Variants in MYO1E observed in about 807,000 individuals in gnomAD.
The protein encoded by MYO1E is myosin IE.
A neutral mutation model predicts 151.1 loss-of-function variants in MYO1E; 68 were observed. That is an observed-to-expected ratio of 0.45 (90% CI 0.37 to 0.55). The LOEUF is 0.55. Ranked by LOEUF, MYO1E falls within the 20% of genes least tolerant of loss-of-function variation. The pLI, the probability that MYO1E is intolerant of heterozygous loss-of-function variation, is 0.00. For synonymous variants in MYO1E, 601 were observed against 501.7 expected (o/e 1.20, Z -2.64); for missense variants, 1,363 against 1,389.3 (o/e 0.98, Z 0.30).
intron 15 of MYO1E, among the ~76,000 whole-genome samples, chr15:59,202,834 C>G (rs748222797): frequency 6.6e-6 from 1 of 152,110 alleles, no homozygotes; most frequent in Non-Finnish European, 1.5e-5. Flanking sequence ...CTCGACCTCC[C>G]AGACTCAAGC....
At chr15:59,248,705 T>A (rs1025324206) in intron 4 of MYO1E, among the ~76,000 whole-genome samples, 12 of 152,026 alleles carry the variant, frequency 7.9e-5, no homozygotes, top group African/African-American at 2.9e-4. Flanking sequence ...GACAGGAAAG[T>A]AAACAGCAGA....
intron 4 of MYO1E, among the ~76,000 whole-genome samples, chr15:59,241,912 C>T (rs2080101972): frequency 7.0e-6 from 1 of 143,694 alleles, no homozygotes; most frequent in Non-Finnish European, 1.5e-5. Context: ...AAGTGAGATC[C>T]TGTCTCTAAA....
intron 1 of MYO1E, among the ~76,000 whole-genome samples, chr15:59,346,664 C>T (rs1488247337): frequency 2.0e-5 from 3 of 152,114 alleles, no homozygotes. Context: ...TGGTGTCTCA[C>T]GACTGTAATC....
intron 19 of MYO1E, among the ~76,000 whole-genome samples, chr15:59,174,821 C>T (rs978316796): frequency 7.9e-5 from 12 of 152,046 alleles, no homozygotes; most frequent in Non-Finnish European, 1.5e-4. Flanking sequence ...ACCACAGTGA[C>T]TGGAGCTGGA....
intron 3 of MYO1E, among the ~76,000 whole-genome samples, chr15:59,260,854 T>G (rs1015116926): frequency 8.5e-5 from 13 of 152,158 alleles, no homozygotes; most frequent in African/African-American, 1.2e-4. Flanking sequence ...AGGTCCTACA[T>G]CCTATTTAAC....
At chr15:59,370,266 T>C (rs1411513806) in intron 1 of MYO1E, among the ~76,000 whole-genome samples, 1 of 152,276 alleles carries the variant, frequency 6.6e-6, no homozygotes, top group African/African-American at 2.4e-5. Context: ...ATCATTTGGC[T>C]TGACAGAGTC....
At chr15:59,285,651 A>G (rs1022710212) in intron 1 of MYO1E, among the ~76,000 whole-genome samples, 1 of 152,010 alleles carries the variant, frequency 6.6e-6, no homozygotes, top group Non-Finnish European at 1.5e-5. Context: ...GCCCGACTAG[A>G]CACTGTCTTT....
intron 1 of MYO1E, among the ~76,000 whole-genome samples, chr15:59,337,158 G>A (rs2080734263): frequency 6.6e-6 from 1 of 152,112 alleles, no homozygotes; most frequent in Non-Finnish European, 1.5e-5. Context: ...TTATTATTAT[G>A]AATATTTCCG....
chr15:59,205,043 G>C (rs2079824454), intron 15 of MYO1E, among the ~76,000 whole-genome samples: 1 of 152,170 alleles, frequency 6.6e-6, no homozygotes, highest in Admixed American at 6.6e-5. Flanking sequence ...CTGATATAGA[G>C]AAAAGAAAGC....
chr15:59,149,060 T>TCG (rs2079460196), intron 26 of MYO1E, among the ~76,000 whole-genome samples: 1 of 140,504 alleles, frequency 7.1e-6, no homozygotes, highest in Admixed American at 7.0e-5. Flanking sequence ...TTGTTTTTTT[T>TCG]TTTTTTTTTT....
chr15:59,319,084 G>A (rs767527672), intron 1 of MYO1E, among the ~76,000 whole-genome samples: 2 of 152,194 alleles, frequency 1.3e-5, no homozygotes, highest in Non-Finnish European at 2.9e-5. Flanking sequence ...GTCAAGGCAG[G>A]TGGATCACTT....
At chr15:59,172,882 C>T (rs1396835691) in intron 21 of MYO1E, among the ~76,000 whole-genome samples, 6 of 152,220 alleles carry the variant, frequency 3.9e-5, no homozygotes, top group African/African-American at 4.8e-5. Flanking sequence ...CCAGGGCTGC[C>T]GTCACAGCAG....
At chr15:59,186,604 A>T (rs2079699730) in intron 18 of MYO1E, among the ~76,000 whole-genome samples, 1 of 152,130 alleles carries the variant, frequency 6.6e-6, no homozygotes, top group Non-Finnish European at 1.5e-5. Context: ...GTAAAAAGTC[A>T]TCTGGGCATG....
chr15:59,344,242 G>C (rs1415734031), intron 1 of MYO1E, among the ~76,000 whole-genome samples: 5 of 152,244 alleles, frequency 3.3e-5, no homozygotes, highest in African/African-American at 9.6e-5. Flanking sequence ...GGTACCCCAA[G>C]CCCAGTAACA....
chr15:59,252,714 C>CAA (rs35229671), intron 4 of MYO1E, among the ~76,000 whole-genome samples: 59 of 117,240 alleles, frequency 5.0e-4, no homozygotes, highest in African/African-American at 8.7e-4. Context: ...GACTCTGTCT[C>CAA]AAAAAAAAAA....
chr15:59,219,979 C>A (rs1321780919), intron 9 of MYO1E, among the ~76,000 whole-genome samples: 1 of 152,200 alleles, frequency 6.6e-6, no homozygotes, highest in African/African-American at 2.4e-5. Context: ...AGAGTAAGGA[C>A]AGATGACATT....
At position 59,136,763 on chromosome 15, in the gene MYO1E, C is replaced by A. The variant is rs1170593321; in HGVS notation, c.*617G>T. On this transcript the variant is annotated 3_prime_UTR_variant, in exon 28 of 28. Transcript: ENST00000288235. ...GCAAAGCCAGCAGCCCAGCCCCCAGCCCCCAGCCCCTGACCTGCTTGGCGG... is the reference window on the plus strand; with the variant it reads ...GCAAAGCCAGCAGCCCAGCCCCCAGACCCCAGCCCCTGACCTGCTTGGCGG... 9 of 456,334 alleles carry A rather than the reference C, an allele frequency of 2.0e-5. No individual in the cohort carries two copies. In the Admixed American group the frequency reaches 2.1e-4, roughly 11 times the overall value. 28.3% of individuals were successfully genotyped at this position (456,334 alleles called of 1,614,324 possible).
intron 26 of MYO1E, among the ~76,000 whole-genome samples, chr15:59,149,962 A>G (rs1478400823): frequency 1.3e-5 from 2 of 152,256 alleles, no homozygotes; most frequent in Non-Finnish European, 2.9e-5. Context: ...CTTGGCAAAT[A>G]GGAGAAGCTG....
chr15:59,234,246 G>GGATGGATGGATGGATGGATGGA (rs1566987682), intron 5 of MYO1E, among the ~76,000 whole-genome samples: 2 of 141,780 alleles, frequency 1.4e-5, no homozygotes, highest in African/African-American at 5.5e-5. Context: ...GGATGGATGG[G>GGATGGATGGATGGATGGATGGA]TGCATGGATG....
Sources: gnomAD v4.1 joint callset for allele counts (sites outside exome capture counted in the v4.1 genomes callset) on GRCh38, gnomAD v4.1.1 for gene constraint, MANE v1.5 for transcripts, NCBI Gene and HGNC (gene_info 2026-07-23, HGNC 2026-07-21) for gene names.